The following EYS variants were observed in gnomAD, a reference collection of about 807,000 sequenced individuals.
The protein encoded by EYS is EGF-like photoreceptor maintenance factor.
EYS carries 250 observed loss-of-function variants against 282.1 expected under a neutral mutation model. The ratio of observed to expected loss-of-function variants is 0.89; its 90% confidence interval spans 0.80 to 0.98. EYS has a LOEUF of 0.98. Ranked by LOEUF, EYS falls within the 50% of genes least tolerant of loss-of-function variation. EYS has a pLI of 0.00. For synonymous variants in EYS, 1,355 were observed against 1,282.9 expected, an observed-to-expected ratio of 1.06 and a Z score of -1.20; for missense variants, 4,016 against 3,709.0, an observed-to-expected ratio of 1.08 and a Z score of -2.15.
At chr6:65,449,076 C>T (rs1201572108) in intron 5 of EYS, among the ~76,000 whole-genome samples, 1 of 152,100 alleles carries the variant, frequency 6.6e-6, no homozygotes, top group African/African-American at 2.4e-5. Context: ...CACTTTCTTT[C>T]ATAAGCTATG....
intron 41 of EYS, among the ~76,000 whole-genome samples, chr6:63,727,937 A>AT (rs1561997760): frequency 6.7e-6 from 1 of 149,880 alleles, no homozygotes; most frequent in Non-Finnish European, 1.5e-5. Context: ...AAAAAAAAAA[A>AT]TGCTGGGATG....
At chr6:65,212,803 A>T (rs1766207014) in intron 12 of EYS, among the ~76,000 whole-genome samples, 1 of 152,164 alleles carries the variant, frequency 6.6e-6, no homozygotes, top group Admixed American at 6.5e-5. Flanking sequence ...TACTCAAATA[A>T]GTTATATTCA....
chr6:64,215,380 C>T (rs762413096), intron 31 of EYS, among the ~76,000 whole-genome samples: 3 of 151,212 alleles, frequency 2.0e-5, no homozygotes, highest in Non-Finnish European at 2.9e-5. Flanking sequence ...ACAAAAGAAG[C>T]GAAGGGTAAA....
intron 30 of EYS, among the ~76,000 whole-genome samples, chr6:64,296,984 T>C (rs574128507): frequency 6.6e-6 from 1 of 152,322 alleles, no homozygotes; most frequent in Admixed American, 6.5e-5. Context: ...GGCTTCTAAA[T>C]TAAATTGTGA....
At chr6:64,105,739 T>C (rs1200825516) in intron 31 of EYS, among the ~76,000 whole-genome samples, 1 of 152,160 alleles carries the variant, frequency 6.6e-6, no homozygotes, top group Non-Finnish European at 1.5e-5. Flanking sequence ...TTAAGTTTCC[T>C]CCATGTTCTT....
chr6:65,624,952 A>G (rs1207553705), intron 2 of EYS, among the ~76,000 whole-genome samples: 1 of 152,278 alleles, frequency 6.6e-6, no homozygotes, highest in East Asian at 1.9e-4. Context: ...ATTCTCCTTA[A>G]TAAACTCCCC....
intron 13 of EYS, among the ~76,000 whole-genome samples, chr6:65,013,590 G>T (rs1212086059): frequency 6.6e-6 from 1 of 152,164 alleles, no homozygotes; most frequent in African/African-American, 2.4e-5. Context: ...TTAAATGTGG[G>T]TGAGGCTGGG....
At chr6:64,879,770 A>G (rs889774019) in intron 19 of EYS, among the ~76,000 whole-genome samples, 24 of 152,204 alleles carry the variant, frequency 1.6e-4, no homozygotes, top group Non-Finnish European at 2.9e-4. Context: ...TGTGGGGAGG[A>G]AAGAGTAAGA....
At chr6:64,531,316 A>G (rs778513300) in intron 26 of EYS, among the ~76,000 whole-genome samples, 2 of 151,976 alleles carry the variant, frequency 1.3e-5, no homozygotes, top group Non-Finnish European at 2.9e-5. Flanking sequence ...GAGAAACAGG[A>G]GAGGATTTTG....
intron 29 of EYS, among the ~76,000 whole-genome samples, chr6:64,331,896 T>G (rs1770660067): frequency 6.6e-6 from 1 of 152,170 alleles, no homozygotes; most frequent in South Asian, 2.1e-4. Context: ...CAGGGTGGGT[T>G]GAGGCATTTC....
intron 28 of EYS, among the ~76,000 whole-genome samples, chr6:64,389,898 G>C (rs943992054): frequency 6.6e-6 from 1 of 152,032 alleles, no homozygotes; most frequent in Non-Finnish European, 1.5e-5. Context: ...GACAGTGGGC[G>C]CAGGTCAGTG....
intron 12 of EYS, among the ~76,000 whole-genome samples, chr6:65,277,521 T>C (rs1333005673): frequency 2.0e-5 from 3 of 151,862 alleles, no homozygotes; most frequent in Non-Finnish European, 4.4e-5. Flanking sequence ...GAGTCAGCAG[T>C]CTGCATTCCG....
chr6:65,261,172 ATAC>A (rs1767610493), intron 12 of EYS, among the ~76,000 whole-genome samples: 1 of 152,040 alleles, frequency 6.6e-6, no homozygotes, highest in Non-Finnish European at 1.5e-5. Context: ...ATCTCACACA[ATAC>A]TGATTGTCAC....
chr6:64,748,926 C>T (rs1256994083), intron 22 of EYS, among the ~76,000 whole-genome samples: 1 of 152,288 alleles, frequency 6.6e-6, no homozygotes, highest in East Asian at 1.9e-4. Flanking sequence ...GGTTGTACCA[C>T]AATGCCCAGC....
rs73765751 is a variant in EYS, at chr6:65,071,319, A to C, written c.2024-13592T>G. Reference sequence around the variant, plus strand: ...CTACCCATTAGGGTTTTTAACTTTCAGCCTATTTGATATCAGAAAATTTGT... The same window carrying C: ...CTACCCATTAGGGTTTTTAACTTTCCGCCTATTTGATATCAGAAAATTTGT... On this transcript the variant is annotated intron_variant, in intron 12 of 42. Transcript: ENST00000503581. Among the ~76,000 whole-genome samples, 1,513 of 152,036 alleles carry C rather than the reference A, an allele frequency of 1.0e-2. 21 individuals are homozygous for C. The highest frequency in any genetic ancestry group is 0.034 in the African/African-American group (1,431 of 41,558).
intron 22 of EYS, among the ~76,000 whole-genome samples, chr6:64,787,219 G>C (rs946745936): frequency 1.1e-4 from 16 of 152,138 alleles, no homozygotes; most frequent in African/African-American, 3.9e-4. Context: ...TAGGCAATGA[G>C]AGGTCTAGCT....
chr6:64,444,469 A>T (rs1775056376), intron 26 of EYS, among the ~76,000 whole-genome samples: 1 of 152,218 alleles, frequency 6.6e-6, no homozygotes, highest in Admixed American at 6.5e-5. Flanking sequence ...AAACTCCTTA[A>T]TATTATTAAG....
chr6:64,478,549 A>ATT (rs1388775473), intron 26 of EYS, among the ~76,000 whole-genome samples: 1 of 151,186 alleles, frequency 6.6e-6, no homozygotes, highest in Admixed American at 6.6e-5. Context: ...TTTAACTTCT[A>ATT]TTTTTGTCTG....
chr6:65,489,333 T>A (rs57061813), intron 5 of EYS: 4 of 152,098 alleles, frequency 2.6e-5, no homozygotes, highest in South Asian at 4.1e-4. Flanking sequence ...ACAGACACTT[T>A]GCAAAAGAAT....
Sources: allele counts gnomAD v4.1 joint callset (sites outside exome capture counted in the v4.1 genomes callset), GRCh38; gene constraint gnomAD v4.1.1; transcripts MANE v1.5; gene names NCBI Gene and HGNC (gene_info 2026-07-23, HGNC 2026-07-21).